TOR1AIP1: variants seen among roughly 807,000 people sequenced by gnomAD.
TOR1AIP1 encodes the protein torsin-1A-interacting protein 1.
Under a neutral mutation model 63.3 loss-of-function variants are expected in TOR1AIP1, and 54 were observed. The observed-to-expected ratio is 0.85, with a 90% confidence interval of 0.69 to 1.07. The LOEUF is 1.07. TOR1AIP1 is among the 50% of genes least tolerant of loss of function. The probability of loss-of-function intolerance (pLI) is 0.00; values close to 1 mark genes in which losing one functional copy is unlikely to be tolerated. For missense variants in TOR1AIP1, 736 were observed against 715.0 expected, an observed-to-expected ratio of 1.03 and a Z score of -0.33; for synonymous variants, 294 against 273.5, an observed-to-expected ratio of 1.07 and a Z score of -0.74.
chr1:179,883,615 G>A (rs926757678), intron 1 of TOR1AIP1: 1 of 456,182 alleles, frequency 2.2e-6, no homozygotes, highest in African/African-American at 2.0e-5. Flanking sequence ...TTTCTCCAGT[G>A]TGGTGGTCCC....
rs1464624478 is a variant in TOR1AIP1 at position 179,882,952 on chromosome 1, G to T, written c.450G>T (p.Gly150=). 1 of 1,613,306 alleles carries T rather than the reference G, an allele frequency of 6.2e-7. No homozygotes were observed. The highest frequency in any genetic ancestry group is 8.5e-7 in the Non-Finnish European group (1 of 1,179,798). ...CGTCTCCTGTTATGACCAGGAGAGGGCTGCGGGACTCTCATTCCTCTGAAG... is the reference window on the plus strand; with the variant it reads ...CGTCTCCTGTTATGACCAGGAGAGGTCTGCGGGACTCTCATTCCTCTGAAG... The part of the protein sequence containing the change: ...LQPSPVMTRR[G]LRDSHSSEED... Residue 150 remains glycine (G), a synonymous_variant, in exon 1 of 10, where the codon GGG becomes GGT. Transcript: ENST00000606911.
At chr1:179,886,454 T>G (rs566770) in intron 2 of TOR1AIP1, among the ~76,000 whole-genome samples, 11,190 of 152,294 alleles carry the variant, frequency 0.073, 577 homozygotes, top group Middle Eastern at 0.16. Flanking sequence ...ATCTTGAGCC[T>G]TAGGCCTTTA....
At chr1:179,916,601 G>A (rs190428934) in intron 9 of TOR1AIP1, among the ~76,000 whole-genome samples, 12 of 151,066 alleles carry the variant, frequency 7.9e-5, no homozygotes, top group African/African-American at 2.7e-4. Context: ...TTTTACCAGT[G>A]TTAACTTGCA....
chr1:179,915,759 G>GA (rs997913091), intron 9 of TOR1AIP1, among the ~76,000 whole-genome samples: 16 of 147,286 alleles, frequency 1.1e-4, no homozygotes, highest in Middle Eastern at 3.5e-3. Flanking sequence ...CTCCATCTCA[G>GA]AAAAAAAAAA....
intron 6 of TOR1AIP1, among the ~76,000 whole-genome samples, chr1:179,907,264 T>TA (rs947482493): frequency 6.6e-6 from 1 of 151,120 alleles, no homozygotes; most frequent in African/African-American, 2.4e-5. Context: ...CTGTCTCTAC[T>TA]AAAAAGACAA....
chr1:179,899,749 A>C (rs559312137), intron 3 of TOR1AIP1, among the ~76,000 whole-genome samples: 1 of 152,148 alleles, frequency 6.6e-6, no homozygotes, highest in Non-Finnish European at 1.5e-5. Context: ...GGTTCAAACT[A>C]TTCTCCTGCC....
chr1:179,917,153 T>C (rs1649046478), intron 9 of TOR1AIP1, among the ~76,000 whole-genome samples: 1 of 152,246 alleles, frequency 6.6e-6, no homozygotes, highest in African/African-American at 2.4e-5. Context: ...CTTTATAAAC[T>C]ATTATTTTTC....
At chr1:179,892,513 A>G (rs1648127060) in intron 3 of TOR1AIP1, among the ~76,000 whole-genome samples, 1 of 151,732 alleles carries the variant, frequency 6.6e-6, no homozygotes, top group Admixed American at 6.6e-5. Context: ...CAAGGCGGGC[A>G]GATCACAAGG....
chr1:179,902,019 CTTTTTTTTTTTTTT>C (rs767712125), intron 5 of TOR1AIP1, among the ~76,000 whole-genome samples: 1 of 98,794 alleles, frequency 1.0e-5, no homozygotes, highest in African/African-American at 3.9e-5. Context: ...AATTCCAATT[CTTTTTTTTTTTTTT>C]TTTTTTTTTT....
At position 179,917,845 on chromosome 1, in the gene TOR1AIP1, A is replaced by G. The variant is rs930010677; in HGVS notation, c.1358A>G (p.Asp453Gly). Residue 453 changes from aspartate to glycine, a missense_variant, in exon 10 of 10, where the codon GAC (aspartate) becomes GGC (glycine). Around this residue, in one of 2 missense-constraint regions of TOR1AIP1, gnomAD observed 272 missense variants for 344.1 expected, o/e 0.79. Coordinates refer to ENST00000606911, the MANE Select transcript of TOR1AIP1 (RefSeq NM_015602.4). ...RIDGTDKATQ[D>G]SDTVKLEVDQ... is the part of the protein sequence containing the mutation. The stretch of plus-strand genomic sequence containing the variant: ...GATGGGACAGATAAAGCTACTCAAG[A>G]CAGTGATACTGTCAAACTAGAGGTA... The G allele has an allele frequency of 6.2e-7, 1 of 1,614,184 alleles. No individual in the cohort carries two copies. Among genetic ancestry groups the G allele is most frequent in the South Asian group, 1.1e-5 (1 of 91,080 alleles).
intron 9 of TOR1AIP1, among the ~76,000 whole-genome samples, chr1:179,916,739 T>C (rs1307913142): frequency 1.4e-5 from 2 of 144,074 alleles, no homozygotes; most frequent in Non-Finnish European, 3.0e-5. Context: ...AATCTCTCTC[T>C]GTCACCCAGG....
rs79083924 is a variant in TOR1AIP1 at position 179,911,209 on chromosome 1, A to G, written c.907+2536A>G. ...GATGAGCAAGAAGAAAATATTTTCA[A>G]TGGAAGTGGAAGACTACAGTGATTT... On this transcript the variant is annotated intron_variant, in intron 8 of 9. Coordinates refer to ENST00000606911, the MANE Select transcript of TOR1AIP1 (RefSeq NM_015602.4). 9.1e-3 allele frequency among the ~76,000 whole-genome samples: 1,393 copies of G among 152,370 alleles called. 27 individuals are homozygous for G. Among genetic ancestry groups the G allele is most frequent in the African/African-American group, 0.033 (1,355 of 41,586 alleles).
chr1:179,917,316 AT>A, intron 9 of TOR1AIP1, 135 bp from the exon 10 acceptor site: 1 of 758,302 alleles, frequency 1.3e-6, no homozygotes. Flanking sequence ...TATTAAGAAA[AT>A]TATCAGCTTT....
In TOR1AIP1 at chr1:179,918,684, GTGAGTTC is replaced by G. The variant is rs1158965375; in HGVS notation, c.*446_*452del. The G allele has an allele frequency of 1.3e-5, 2 of 155,966 alleles. No individual in the cohort carries two copies. Among genetic ancestry groups the G allele is most frequent in the Non-Finnish European group, 2.8e-5 (2 of 70,434 alleles). The allele number at this position is 155,966 out of a possible 1,614,324, so 9.7% of individuals were successfully genotyped here. On this transcript the variant is annotated 3_prime_UTR_variant, in exon 10 of 10. Coordinates refer to ENST00000606911, the MANE Select transcript of TOR1AIP1 (RefSeq NM_015602.4). Reference sequence around the variant, plus strand: ...ATGTTCCCTTTTATACCATTTAGGTGTGAGTTCCTTAGCTTCTGCCTATAGGAACATA... The same window carrying G: ...ATGTTCCCTTTTATACCATTTAGGTGCTTAGCTTCTGCCTATAGGAACATA...
intron 3 of TOR1AIP1, among the ~76,000 whole-genome samples, chr1:179,889,571 G>A (rs1011412900): frequency 6.6e-6 from 1 of 151,930 alleles, no homozygotes; most frequent in African/African-American, 2.4e-5. Context: ...ATATTTTTTG[G>A]AGATTTACAG....
chr1:179,910,080 G>A (rs936803028), intron 8 of TOR1AIP1, among the ~76,000 whole-genome samples: 1 of 152,122 alleles, frequency 6.6e-6, no homozygotes, highest in African/African-American at 2.4e-5. Flanking sequence ...TTAGGTTTTG[G>A]ATGGATTAAA....
intron 2 of TOR1AIP1, among the ~76,000 whole-genome samples, chr1:179,886,056 G>T (rs1647901150): frequency 1.3e-5 from 2 of 152,054 alleles, no homozygotes; most frequent in African/African-American, 4.8e-5. Flanking sequence ...TATATTCCTT[G>T]AATAGTCTAT....
In TOR1AIP1 at chr1:179,884,769, G is replaced by C; in HGVS notation, c.553G>C (p.Val185Leu). 1 of 1,598,278 alleles carries C rather than the reference G, an allele frequency of 6.3e-7. No homozygotes were observed. The highest frequency in any genetic ancestry group is 8.5e-7 in the Non-Finnish European group (1 of 1,175,404). The change falls in exon 2 of 10, where the codon GTG becomes CTG. Residue 185 changes from valine (V) to leucine (L), a missense_variant and splice_region_variant. Physicochemically the swap from Val to Leu is conservative, Grantham distance 32. Coordinates refer to ENST00000606911, the MANE Select transcript of TOR1AIP1 (RefSeq NM_015602.4). ...TGTCAGGAGCATACAAGAGGCTCCA[G>C]GTAAGAATAGTTAACTTTTTGTTTT... ...KTVRSIQEAP[V>L]SEDLVIRLRR...
At chr1:179,903,896 C>A in intron 5 of TOR1AIP1, 70 bp from the exon 6 acceptor site, 2 of 1,095,142 alleles carry the variant, frequency 1.8e-6, no homozygotes, top group Non-Finnish European at 1.3e-6. Context: ...TAATTTCTCA[C>A]TGTTGTCTTG....
Sources: gnomAD v4.1 joint callset for allele counts (sites outside exome capture counted in the v4.1 genomes callset) on GRCh38, gnomAD v4.1.1 for gene constraint, gnomAD v4.1.1 regional missense constraint, MANE v1.5 for transcripts, NCBI Gene and HGNC (gene_info 2026-07-23, HGNC 2026-07-21) for gene names.